UBASH3B: variants seen among roughly 807,000 people sequenced by gnomAD.
UBASH3B encodes the protein ubiquitin-associated and SH3 domain-containing protein B.
In UBASH3B, 37 loss-of-function variants were observed where a neutral mutation model predicts 83.4. That is an observed-to-expected ratio of 0.44 (90% CI 0.34 to 0.58). UBASH3B has a LOEUF of 0.58. Among genes scored for constraint, UBASH3B ranks in the 20% least tolerant of loss-of-function variants. UBASH3B has a pLI of 0.01. For synonymous variants in UBASH3B, 304 were observed against 318.3 expected, an observed-to-expected ratio of 0.96 and a Z score of 0.48; for missense variants, 657 against 827.2, an observed-to-expected ratio of 0.79 and a Z score of 2.52.
At chr11:122,808,284 G>A in intron 13 of UBASH3B, 108 bp downstream of exon 13, 3 of 906,930 alleles carry the variant, frequency 3.3e-6, no homozygotes. Context: ...GCTGAGCTGG[G>A]AATATTCATT....
Position 122,794,842 on chromosome 11 carries a change from T to A in UBASH3B, c.1113+8T>A. ...ATCTGCCAGCCCATGCAGGTAAGGC[T>A]GATTGCTAGGGTCACACCCCCAACT... On this transcript the variant is annotated splice_region_variant and intron_variant, in intron 7 of 13. Transcript: ENST00000284273. 6.2e-7 allele frequency: 1 copy of A among 1,613,172 alleles called. No individual in the cohort carries two copies. Among genetic ancestry groups the A allele is most frequent in the Middle Eastern group, 1.8e-4 (1 of 5,476 alleles).
chr11:122,660,771 G>A (rs1863428191), intron 1 of UBASH3B, among the ~76,000 whole-genome samples: 1 of 152,100 alleles, frequency 6.6e-6, no homozygotes, highest in Non-Finnish European at 1.5e-5. Context: ...ATTTTTTGAG[G>A]CTGCTGGTGG....
chr11:122,718,951 C>T (rs7941503), intron 1 of UBASH3B, among the ~76,000 whole-genome samples: 44,183 of 152,134 alleles, frequency 0.29, 7,408 homozygotes, highest in Non-Finnish European at 0.39. Flanking sequence ...GCAGGAGGAC[C>T]ACCAGAGCTC....
intron 4 of UBASH3B, among the ~76,000 whole-genome samples, chr11:122,780,723 G>A (rs1296511503): frequency 1.3e-5 from 2 of 152,246 alleles, no homozygotes; most frequent in Non-Finnish European, 2.9e-5. Flanking sequence ...GCAGGCGGGC[G>A]GGTGGCAGGA....
intron 1 of UBASH3B, among the ~76,000 whole-genome samples, chr11:122,736,642 A>AACACGCAC (rs1265871491): frequency 6.6e-6 from 1 of 152,120 alleles, no homozygotes; most frequent in African/African-American, 2.4e-5. Context: ...TCAACAGGCT[A>AACACGCAC]ACACGCACAC....
chr11:122,677,921 A>C (rs1191656785), intron 1 of UBASH3B, among the ~76,000 whole-genome samples: 1 of 152,076 alleles, frequency 6.6e-6, no homozygotes, highest in East Asian at 1.9e-4. Context: ...ACAGGTGCCC[A>C]CCACCACACC....
chr11:122,667,085 C>A (rs1863529864), intron 1 of UBASH3B, among the ~76,000 whole-genome samples: 2 of 145,178 alleles, frequency 1.4e-5, no homozygotes. Context: ...ACTATGTCAC[C>A]CAGGCTGGAG....
intron 1 of UBASH3B, among the ~76,000 whole-genome samples, chr11:122,734,799 T>TAAA (rs1011855426): frequency 7.9e-5 from 11 of 139,982 alleles, no homozygotes; most frequent in Non-Finnish European, 1.7e-4. Flanking sequence ...AGCTGTATCT[T>TAAA]AAAAAAAAAA....
chr11:122,707,154 C>T (rs772486636), intron 1 of UBASH3B, among the ~76,000 whole-genome samples: 16 of 152,158 alleles, frequency 1.1e-4, no homozygotes, highest in South Asian at 2.1e-4. Context: ...AATCCACCCC[C>T]GCCTACCCCA....
At position 122,797,017 on chromosome 11, in the gene UBASH3B, G is replaced by A; in HGVS notation, c.1341G>A (p.Met447Ile). Residue 447 changes from methionine to isoleucine, a missense_variant, in exon 9 of 14, where the codon ATG becomes ATA. By Grantham distance (10) the Met-to-Ile change is conservative (BLOSUM62 1). Around this residue, in one of 3 missense-constraint regions of UBASH3B, gnomAD observed 573 missense variants for 739.0 expected, o/e 0.78. Transcript: ENST00000284273. ...CTCCCATCACTGTGTTTGGATGCATGCAAGCAAGACTAGTGGGTAAGTATC... is the reference window on the plus strand; with the variant it reads ...CTCCCATCACTGTGTTTGGATGCATACAAGCAAGACTAGTGGGTAAGTATC... ...KDAPITVFGCMQARLVGEALL... is the reference protein window; with the variant it reads ...KDAPITVFGCIQARLVGEALL... 3 of 1,611,824 alleles carry A rather than the reference G, an allele frequency of 1.9e-6. No individual in the cohort carries two copies. Among genetic ancestry groups the A allele is most frequent in the Non-Finnish European group, 2.5e-6 (3 of 1,178,826 alleles).
intron 1 of UBASH3B, among the ~76,000 whole-genome samples, chr11:122,698,152 T>G (rs1237696347): frequency 2.0e-5 from 3 of 152,210 alleles, no homozygotes; most frequent in Non-Finnish European, 2.9e-5. Context: ...CCACGTAGTC[T>G]CAGTGTTCTT....
chr11:122,680,651 C>T (rs542345896), intron 1 of UBASH3B, among the ~76,000 whole-genome samples: 127 of 151,984 alleles, frequency 8.4e-4, no homozygotes, highest in African/African-American at 2.5e-3. Context: ...TTAGTAGAGA[C>T]GGAGTTTCTC....
At chr11:122,668,288 G>A (rs953748870) in intron 1 of UBASH3B, among the ~76,000 whole-genome samples, 5 of 152,162 alleles carry the variant, frequency 3.3e-5, no homozygotes, top group Admixed American at 2.0e-4. Context: ...ATGCGTGGCC[G>A]AGTCAGCTTT....
intron 1 of UBASH3B, among the ~76,000 whole-genome samples, chr11:122,677,212 G>A (rs1388108426): frequency 2.0e-5 from 3 of 152,166 alleles, no homozygotes; most frequent in Admixed American, 1.3e-4. Context: ...ATGATTTAAA[G>A]TACACAGGAG....
chr11:122,770,814 C>G (rs989562687), intron 1 of UBASH3B, among the ~76,000 whole-genome samples: 1 of 152,186 alleles, frequency 6.6e-6, no homozygotes, highest in African/African-American at 2.4e-5. Context: ...AGTCAACCAT[C>G]GAAACATCAT....
intron 1 of UBASH3B, among the ~76,000 whole-genome samples, chr11:122,720,037 T>C (rs1435346259): frequency 6.6e-6 from 1 of 152,130 alleles, no homozygotes; most frequent in Non-Finnish European, 1.5e-5. Context: ...CATGGACCCC[T>C]TCTCTCCTTT....
intron 1 of UBASH3B, among the ~76,000 whole-genome samples, chr11:122,723,099 G>T (rs1391009820): frequency 6.6e-6 from 1 of 152,232 alleles, no homozygotes; most frequent in South Asian, 2.1e-4. Flanking sequence ...CTCCCAGAAA[G>T]TTTCTGAAAA....
At chr11:122,785,643 A>C (rs1197579518) in intron 5 of UBASH3B, among the ~76,000 whole-genome samples, 2 of 152,232 alleles carry the variant, frequency 1.3e-5, no homozygotes, top group African/African-American at 4.8e-5. Context: ...TGATCCAAAA[A>C]GCATCAATTT....
intron 1 of UBASH3B, among the ~76,000 whole-genome samples, chr11:122,695,200 G>C (rs922467480): frequency 6.6e-6 from 1 of 152,120 alleles, no homozygotes; most frequent in Non-Finnish European, 1.5e-5. Context: ...CCGACCTCAA[G>C]TGATCCACCC....
Sources: allele counts gnomAD v4.1 joint callset (sites outside exome capture counted in the v4.1 genomes callset), GRCh38; gene constraint gnomAD v4.1.1; regional missense constraint gnomAD v4.1.1; transcripts MANE v1.5; gene names NCBI Gene and HGNC (gene_info 2026-07-23, HGNC 2026-07-21).